The following RAB3IP variants were observed in gnomAD, a reference collection of about 807,000 sequenced individuals.
The protein encoded by RAB3IP is RAB3A interacting protein.
A neutral mutation model predicts 59.1 loss-of-function variants in RAB3IP; 36 were observed. That is an observed-to-expected ratio of 0.61 (90% CI 0.47 to 0.80). The LOEUF (loss-of-function observed/expected upper bound fraction) is 0.80. Ranked by LOEUF, RAB3IP falls within the 30% of genes least tolerant of loss-of-function variation. The pLI, the probability that RAB3IP is intolerant of heterozygous loss-of-function variation, is 0.00. For missense variants in RAB3IP, 511 were observed against 536.0 expected (o/e 0.95, Z 0.46); for synonymous variants, 207 against 191.2 (o/e 1.08, Z -0.68).
At chr12:69,772,021 C>T (rs538302440) in intron 3 of RAB3IP, among the ~76,000 whole-genome samples, 1 of 152,198 alleles carries the variant, frequency 6.6e-6, no homozygotes, top group East Asian at 1.9e-4. Flanking sequence ...GTTTCCGTTT[C>T]TGGGAGTGAG....
At chr12:69,758,936 G>T (rs1479079318) in intron 3 of RAB3IP, among the ~76,000 whole-genome samples, 1 of 151,192 alleles carries the variant, frequency 6.6e-6, no homozygotes, top group Non-Finnish European at 1.5e-5. Context: ...TGTCAATGTA[G>T]TTGTCATTCC....
chr12:69,750,159 C>T (rs1454854626), intron 1 of RAB3IP, among the ~76,000 whole-genome samples: 1 of 152,146 alleles, frequency 6.6e-6, no homozygotes, highest in East Asian at 1.9e-4. Context: ...TTTCCTCAAC[C>T]ATAGATGCGC....
intron 3 of RAB3IP, among the ~76,000 whole-genome samples, chr12:69,762,993 A>C (rs1161362398): frequency 6.6e-6 from 1 of 152,168 alleles, no homozygotes; most frequent in African/African-American, 2.4e-5. Flanking sequence ...GCTTCTCAAC[A>C]TAAGCTCCGT....
rs1316354647 is a variant in RAB3IP, at chr12:69,819,438, T to C, written c.*3992T>C. 1 of 152,254 alleles carries C rather than the reference T, an allele frequency of 6.6e-6. No homozygotes were observed. The highest frequency in any genetic ancestry group is 2.4e-5 in the African/African-American group (1 of 41,410). The allele number at this position is 152,254 out of a possible 1,614,324, so 9.4% of individuals were successfully genotyped here. ...CAAAGTGGATATGTTAAGCAGGTAT[T>C]GGATGTACAAATCTAAATTCAGTAA... On this transcript the variant is annotated 3_prime_UTR_variant, in exon 11 of 11. Transcript: ENST00000247833.
chr12:69,814,781 A>G (rs544064298), intron 10 of RAB3IP, among the ~76,000 whole-genome samples: 2 of 152,310 alleles, frequency 1.3e-5, no homozygotes, highest in African/African-American at 4.8e-5. Flanking sequence ...TAAGGAGCCA[A>G]CGTTTTTCCA....
At chr12:69,812,515 C>G in intron 8 of RAB3IP, 1 of 353,104 alleles carries the variant, frequency 2.8e-6, no homozygotes, top group East Asian at 5.2e-5. Context: ...CAAGATGGGA[C>G]ATACATGGAA....
At chr12:69,815,029 T>C (rs757658121) in intron 10 of RAB3IP, among the ~76,000 whole-genome samples, 1 of 152,210 alleles carries the variant, frequency 6.6e-6, no homozygotes, top group East Asian at 1.9e-4. Context: ...AGTTAGAGAA[T>C]AGCTCGAATA....
chr12:69,796,722 A>C, intron 6 of RAB3IP: 1 of 542,630 alleles, frequency 1.8e-6, no homozygotes. Flanking sequence ...TTAAATATTT[A>C]AGAAACTTCT....
chr12:69,800,094 ATTTTAAATGAAGAGC>A (rs2136244075), intron 6 of RAB3IP, 100 bp from the exon 7 acceptor site: 4 of 777,764 alleles, frequency 5.1e-6, no homozygotes, highest in Non-Finnish European at 7.3e-6. Flanking sequence ...TCAATTTATT[ATTTTAAATGAAGAGC>A]TTTTTTTCAG....
At chr12:69,750,726 C>CTTTT (rs113789962) in intron 1 of RAB3IP, among the ~76,000 whole-genome samples, 1 of 140,852 alleles carries the variant, frequency 7.1e-6, no homozygotes, top group Non-Finnish European at 1.5e-5. Flanking sequence ...TGGGGTCTTT[C>CTTTT]TTTTTTTTTT....
intron 10 of RAB3IP, among the ~76,000 whole-genome samples, chr12:69,815,054 A>G (rs1424197555): frequency 1.3e-5 from 2 of 152,202 alleles, no homozygotes. Flanking sequence ...AGTATTGAGT[A>G]TATTCACTTA....
At chr12:69,739,891 G>A in intron 1 of RAB3IP, 2 of 1,613,368 alleles carry the variant, frequency 1.2e-6, no homozygotes. Context: ...AAAGACACGA[G>A]CGCTGAGTTA....
intron 1 of RAB3IP, among the ~76,000 whole-genome samples, chr12:69,753,952 G>A (rs1206533160): frequency 1.3e-5 from 2 of 152,130 alleles, no homozygotes; most frequent in African/African-American, 4.8e-5. Context: ...AGAACCTGAA[G>A]CATATGTGGT....
rs535309399 is a variant in RAB3IP at position 69,816,551 on chromosome 12, T to A, written c.*1105T>A. 6.6e-6 allele frequency: 1 copy of A among 152,340 alleles called. No homozygotes were observed. Among genetic ancestry groups the A allele is most frequent in the South Asian group, 2.1e-4 (1 of 4,830 alleles). The allele number at this position is 152,340 out of a possible 1,614,324, so 9.4% of individuals were successfully genotyped here. A position where few individuals can be genotyped will look rare whatever the true frequency, so the allele number is the denominator to read the frequency against. ...AATCCCTGTTTATAGAATTTTAACA[T>A]AATTTAATTGTGTTTGGAGATGAGG... On this transcript the variant is annotated 3_prime_UTR_variant, in exon 11 of 11. Transcript: ENST00000247833.
At position 69,815,464 on chromosome 12, in the gene RAB3IP, T is replaced by A; in HGVS notation, c.*18T>A. On this transcript the variant is annotated 3_prime_UTR_variant, in exon 11 of 11. Transcript: ENST00000247833. ...AACTCTGATGCTCTGCGTGGGACCA[T>A]GCCTGAACTCCCCGAATAACTGAAA... 1 of 1,523,550 alleles carries A rather than the reference T, an allele frequency of 6.6e-7. No homozygotes were observed. The highest frequency in any genetic ancestry group is 9.1e-7 in the Non-Finnish European group (1 of 1,102,676). The allele number at this position is 1,523,550 out of a possible 1,614,324, so 94.4% of individuals were successfully genotyped here.
In RAB3IP at chr12:69,756,515, G is replaced by T. The variant is rs1386866943; in HGVS notation, c.362G>T (p.Gly121Val). 4 of 1,613,982 alleles carry T rather than the reference G, an allele frequency of 2.5e-6. No individual in the cohort carries two copies. The Admixed American group carries it at 6.7e-5, about 27-fold the overall frequency. ...AATGCAGAGAGAGAGTTTTTACAGGGTGCTACTATAACAGAGGCTTGCGAT... is the reference window on the plus strand; with the variant it reads ...AATGCAGAGAGAGAGTTTTTACAGGTTGCTACTATAACAGAGGCTTGCGAT... ...NYNAEREFLQ[G>V]ATITEACDGS... Residue 121 changes from glycine to valine, a missense_variant, in exon 3 of 11, where the codon GGT (glycine) becomes GTT (valine). By Grantham distance (109) the Gly-to-Val change is moderately radical. Transcript: ENST00000247833.
At position 69,818,141 on chromosome 12, in the gene RAB3IP, A is replaced by G. The variant is rs1881334037; in HGVS notation, c.*2695A>G. On this transcript the variant is annotated 3_prime_UTR_variant, in exon 11 of 11. Transcript: ENST00000247833. ...GATGGGGGTATCAATTGGTATATCC[A>G]CTGTGAAAAACCATTCACTAGAAAA... 1 of 152,266 alleles carries G rather than the reference A, an allele frequency of 6.6e-6. No homozygotes were observed. The allele number at this position is 152,266 out of a possible 1,614,324, so 9.4% of individuals were successfully genotyped here.
At position 69,819,397 on chromosome 12, in the gene RAB3IP, G is replaced by C. The variant is rs1405716959; in HGVS notation, c.*3951G>C. 6.6e-6 allele frequency: 1 copy of C among 152,208 alleles called. No homozygotes were observed. The highest frequency in any genetic ancestry group is 1.9e-4 in the East Asian group (1 of 5,194). The allele number at this position is 152,208 out of a possible 1,614,324, so 9.4% of individuals were successfully genotyped here. A position where few individuals can be genotyped will look rare whatever the true frequency, so the allele number is the denominator to read the frequency against. On this transcript the variant is annotated 3_prime_UTR_variant, in exon 11 of 11. Transcript: ENST00000247833. ...TCAGTGTTTGACAGATCAAGTGTGAGGTGCCCACTGAGCATCAAAGTGGAT... is the reference window on the plus strand; with the variant it reads ...TCAGTGTTTGACAGATCAAGTGTGACGTGCCCACTGAGCATCAAAGTGGAT...
chr12:69,754,724 ATGT>A (rs763993473), intron 1 of RAB3IP, among the ~76,000 whole-genome samples: 1 of 152,326 alleles, frequency 6.6e-6, no homozygotes, highest in Non-Finnish European at 1.5e-5. Context: ...GCCTTCAAAC[ATGT>A]TGTACATGAT....
Sources: allele counts gnomAD v4.1 joint callset (sites outside exome capture counted in the v4.1 genomes callset), GRCh38; gene constraint gnomAD v4.1.1; transcripts MANE v1.5; gene names NCBI Gene and HGNC (gene_info 2026-07-23, HGNC 2026-07-21).